COL4A5: variants seen among roughly 807,000 people sequenced by gnomAD.
The protein encoded by COL4A5 is collagen type IV alpha 5 chain.
A neutral mutation model predicts 130.2 loss-of-function variants in COL4A5; 26 were observed. The observed-to-expected ratio is 0.20, with a 90% CI of 0.15 to 0.28. The LOEUF is 0.28. Ranked by LOEUF, COL4A5 falls within the 10% of genes least tolerant of loss-of-function variation. The pLI, the probability that COL4A5 is intolerant of heterozygous loss-of-function variation, is 1.00. For missense variants in COL4A5, 1,131 were observed against 1,344.3 expected, an observed-to-expected ratio of 0.84 and a Z score of 2.48; for synonymous variants, 496 against 439.6, an observed-to-expected ratio of 1.13 and a Z score of -1.60.
At chrX:108,556,729 A>G (rs1344638578) in intron 2 of COL4A5, among the ~76,000 whole-genome samples, 1 of 110,978 alleles carries the variant, frequency 9.0e-6, no homozygotes, top group Admixed American at 9.6e-5. Flanking sequence ...TCCCTACCAT[A>G]TGTATTAGGA....
At chrX:108,482,750 T>A (rs1228736673) in intron 1 of COL4A5, among the ~76,000 whole-genome samples, 1 of 111,728 alleles carries the variant, frequency 9.0e-6, no homozygotes, top group Non-Finnish European at 1.9e-5. Context: ...GCGAAGACTC[T>A]CACTCAGGAC....
rs200766389 is a variant in COL4A5 at position 108,582,959 on chromosome X, A to G, written c.990+22A>G. The G allele has an allele frequency of 1.7e-5, 20 of 1,146,001 alleles. No individual in the cohort carries two copies. In the African/African-American group the frequency reaches 2.7e-4, roughly 15 times the overall value. 94.4% of individuals were successfully genotyped at this position (1,146,001 alleles called of 1,213,427 possible). On this transcript the variant is annotated intron_variant, in intron 17 of 52. Coordinates refer to ENST00000328300, the MANE Select transcript of COL4A5 (RefSeq NM_033380.3). ...AAAGGTAAGAATTTTAATACTTTGA[A>G]GTGACTGGTTTAGTCTAGCTAAAAT...
Position 108,677,648 on chromosome X carries a change from T to C in COL4A5, c.3942+15T>C. The C allele has an allele frequency of 8.3e-7, 1 of 1,207,590 alleles. No individual in the cohort carries two copies. Among genetic ancestry groups the C allele is most frequent in the South Asian group, 1.8e-5 (1 of 56,835 alleles). On this transcript the variant is annotated intron_variant, in intron 44 of 52. Coordinates refer to ENST00000328300, the MANE Select transcript of COL4A5 (RefSeq NM_033380.3). ...CAGGACTCCAGGTAGGAAATGGAAG[T>C]AGATATCTGATGAGAGAAGAATGTG...
rs764543034 is a variant in COL4A5, at chrX:108,595,554, C to T, written c.1469C>T (p.Ser490Leu). The T allele has an allele frequency of 1.5e-5, 18 of 1,212,072 alleles. No homozygotes were observed. Among genetic ancestry groups the T allele is most frequent in the Non-Finnish European group, 1.8e-5 (16 of 895,551 alleles). ...TTCAACTGCATTGGAACTGGTATTTCAGGGCCTCCAGGTCAACCTGGTTTG... is the reference window on the plus strand; with the variant it reads ...TTCAACTGCATTGGAACTGGTATTTTAGGGCCTCCAGGTCAACCTGGTTTG... ...TCFNCIGTGI[S>L]GPPGQPGLPG... Residue 490 changes from serine (S) to leucine (L), a missense_variant, in exon 22 of 53, where the codon TCA becomes TTA. Coordinates refer to ENST00000328300, the MANE Select transcript of COL4A5 (RefSeq NM_033380.3).
At chrX:108,675,324 G>A (rs2068284073) in intron 43 of COL4A5, among the ~76,000 whole-genome samples, 3 of 111,195 alleles carry the variant, frequency 2.7e-5, no homozygotes, top group Non-Finnish European at 5.7e-5. Flanking sequence ...TATTTCAGAT[G>A]ATACAGTGTT....
chrX:108,520,361 G>A (rs892167570), intron 1 of COL4A5, among the ~76,000 whole-genome samples: 4 of 111,380 alleles, frequency 3.6e-5, no homozygotes, highest in Admixed American at 1.9e-4. Flanking sequence ...ATATAAATGT[G>A]TGTCTTTCAT....
chrX:108,621,584 A>G (rs2067051924), intron 31 of COL4A5, among the ~76,000 whole-genome samples: 1 of 111,015 alleles, frequency 9.0e-6, no homozygotes, highest in Admixed American at 9.6e-5. Flanking sequence ...ATACTGGGAC[A>G]TATGGTTCAC....
intron 1 of COL4A5, among the ~76,000 whole-genome samples, chrX:108,511,550 G>T (rs1298658607): frequency 1.8e-5 from 2 of 111,448 alleles, no homozygotes; most frequent in African/African-American, 6.5e-5. Context: ...ACTCTTCCAA[G>T]ATTTCAAAAT....
intron 42 of COL4A5, among the ~76,000 whole-genome samples, chrX:108,673,090 G>T (rs760927366): frequency 4.5e-5 from 5 of 112,067 alleles, no homozygotes; most frequent in Admixed American, 9.5e-5. Flanking sequence ...TTTATTGTAA[G>T]CATCTTAAGG....
At chrX:108,535,105 G>A (rs1569482354) in intron 1 of COL4A5, among the ~76,000 whole-genome samples, 1 of 110,688 alleles carries the variant, frequency 9.0e-6, no homozygotes, top group Non-Finnish European at 1.9e-5. Context: ...CTGTTGTGAA[G>A]CCCATCCATT....
chrX:108,444,129 A>G (rs1346016308), intron 1 of COL4A5, among the ~76,000 whole-genome samples: 1 of 111,236 alleles, frequency 9.0e-6, no homozygotes, highest in Non-Finnish European at 1.9e-5. Context: ...AGCCCCTTCA[A>G]ATTGGCTCCT....
intron 1 of COL4A5, among the ~76,000 whole-genome samples, chrX:108,505,253 A>T (rs1218274863): frequency 4.5e-5 from 3 of 66,769 alleles, no homozygotes; most frequent in African/African-American, 2.4e-4. Flanking sequence ...GGTGAGGGAT[A>T]AAAAAAAAAA....
chrX:108,501,891 AC>A (rs2065082512), intron 1 of COL4A5, among the ~76,000 whole-genome samples: 2 of 111,922 alleles, frequency 1.8e-5, no homozygotes, highest in African/African-American at 6.5e-5. Flanking sequence ...TTTCCCTTAG[AC>A]TATTTGAGAG....
intron 36 of COL4A5, among the ~76,000 whole-genome samples, chrX:108,640,524 G>A (rs1026730699): frequency 9.0e-6 from 1 of 111,203 alleles, no homozygotes; most frequent in Non-Finnish European, 1.9e-5. Context: ...TTTGTTGAGA[G>A]TAGATCTTAA....
At chrX:108,604,445 A>T (rs1209591966) in intron 28 of COL4A5, among the ~76,000 whole-genome samples, 1 of 111,897 alleles carries the variant, frequency 8.9e-6, no homozygotes, top group African/African-American at 3.3e-5. Context: ...TTTTCTTCTG[A>T]GGAGTAGGTC....
chrX:108,449,192 C>G (rs2064482955), intron 1 of COL4A5, among the ~76,000 whole-genome samples: 2 of 111,844 alleles, frequency 1.8e-5, no homozygotes, highest in Non-Finnish European at 3.8e-5. Context: ...GGCCAAAACA[C>G]ATTGCTACCT....
chrX:108,452,305 C>T (rs1303494437), intron 1 of COL4A5, among the ~76,000 whole-genome samples: 1 of 111,651 alleles, frequency 9.0e-6, no homozygotes, highest in African/African-American at 3.3e-5. Context: ...CTTGGCGATG[C>T]TGGCTCTTTT....
Position 108,568,779 on chromosome X carries a change from G to A in COL4A5, c.342G>A (p.Gly114=). ...PGLPGMPGHD[G]APGPQGIPGC... is the part of the protein sequence containing the mutation. ...CAAAGGGAATGCCAGGCCACGATGGGGCCCCAGGACCTCAAGGTATTCCCG... is the reference window on the plus strand; with the variant it reads ...CAAAGGGAATGCCAGGCCACGATGGAGCCCCAGGACCTCAAGGTATTCCCG... Residue 114 remains glycine (G), a synonymous_variant, in exon 6 of 53, where the codon GGG becomes GGA. Coordinates refer to ENST00000328300, the MANE Select transcript of COL4A5 (RefSeq NM_033380.3). 8.3e-7 allele frequency: 1 copy of A among 1,210,917 alleles called. No homozygotes were observed. Among genetic ancestry groups the A allele is most frequent in the Non-Finnish European group, 1.1e-6 (1 of 895,063 alleles).
chrX:108,534,074 C>G (rs2065422104), intron 1 of COL4A5, among the ~76,000 whole-genome samples: 1 of 108,314 alleles, frequency 9.2e-6, no homozygotes, highest in African/African-American at 3.4e-5. Context: ...AATAAGGGAA[C>G]TCTTATATGC....
Sources: allele counts gnomAD v4.1 joint callset (sites outside exome capture counted in the v4.1 genomes callset), GRCh38; gene constraint gnomAD v4.1.1; transcripts MANE v1.5; gene names NCBI Gene and HGNC (gene_info 2026-07-23, HGNC 2026-07-21).